Variants in UTP6 observed in about 807,000 individuals in gnomAD.
UTP6 encodes UTP6 small subunit processome component.
Under a neutral mutation model 96.5 loss-of-function variants are expected in UTP6, and 60 were observed. That is an observed-to-expected ratio of 0.62 (90% CI 0.51 to 0.77). The LOEUF is 0.77. Ranked by LOEUF, UTP6 falls within the 30% of genes least tolerant of loss-of-function variation. The pLI is 0.00. For missense variants in UTP6, 637 were observed against 706.5 expected (o/e 0.90, Z 1.12); for synonymous variants, 215 against 240.1 (o/e 0.90, Z 0.96).
chr17:31,897,609 G>A (rs977055588), intron 2 of UTP6, among the ~76,000 whole-genome samples: 1 of 151,570 alleles, frequency 6.6e-6, no homozygotes, highest in Admixed American at 6.6e-5. Flanking sequence ...CACCACACCC[G>A]GCTAATTTTT....
At chr17:31,899,916 C>T (rs773470519) in intron 1 of UTP6, among the ~76,000 whole-genome samples, 186 bp from the exon 2 acceptor site, 63 of 152,140 alleles carry the variant, frequency 4.1e-4, no homozygotes, top group African/African-American at 1.4e-3. Flanking sequence ...GAGGCTGAGG[C>T]GGGTAGATCA....
chr17:31,894,527 T>C (rs1382685029), intron 4 of UTP6, 118 bp downstream of exon 4: 8 of 696,526 alleles, frequency 1.1e-5, no homozygotes, highest in Non-Finnish European at 1.9e-5. Context: ...ATACCATCAT[T>C]AGAGTAAGTA....
At chr17:31,869,309 T>C (rs1483305438) in intron 16 of UTP6, among the ~76,000 whole-genome samples, 1 of 150,786 alleles carries the variant, frequency 6.6e-6, no homozygotes, top group Non-Finnish European at 1.5e-5. Flanking sequence ...GCTGAGACCA[T>C]AGGTGCAAAC....
chr17:31,893,371 A>G (rs1167422289), intron 4 of UTP6, among the ~76,000 whole-genome samples: 1 of 146,534 alleles, frequency 6.8e-6, no homozygotes, highest in Non-Finnish European at 1.5e-5. Flanking sequence ...GGTTGCAGTG[A>G]GCTGCCGAGA....
chr17:31,864,022 GTT>G (rs1015918554), intron 18 of UTP6, among the ~76,000 whole-genome samples: 1 of 151,150 alleles, frequency 6.6e-6, no homozygotes, highest in South Asian at 2.1e-4. Context: ...TTTGTTTTTT[GTT>G]TTTTTTCCCA....
chr17:31,894,504 G>T, intron 4 of UTP6, 141 bp downstream of exon 4: 2 of 615,368 alleles, frequency 3.3e-6, no homozygotes, highest in Non-Finnish European at 5.6e-6. Context: ...CTCAAAAAAT[G>T]TTTTGAGTAA....
chr17:31,897,883 T>C (rs998028176), intron 2 of UTP6, among the ~76,000 whole-genome samples: 6 of 152,202 alleles, frequency 3.9e-5, no homozygotes, highest in Non-Finnish European at 8.8e-5. Flanking sequence ...AAACCTTCCA[T>C]GCATTTACAA....
In UTP6 at chr17:31,861,740, G is replaced by A. The variant is rs547104713; in HGVS notation, c.*1619C>T. 1.3e-5 allele frequency: 2 copies of A among 152,180 alleles called. No homozygotes were observed. Among genetic ancestry groups the A allele is most frequent in the African/African-American group, 4.8e-5 (2 of 41,500 alleles). 9.4% of individuals were successfully genotyped at this position (152,180 alleles called of 1,614,324 possible). On this transcript the variant is annotated 3_prime_UTR_variant, in exon 19 of 19. Transcript: ENST00000261708. ...TAATATCAAAGTATGGTAAAACAATGACATATCACATTTCACCTATAAAAT... is the reference window on the plus strand; with the variant it reads ...TAATATCAAAGTATGGTAAAACAATAACATATCACATTTCACCTATAAAAT...
intron 2 of UTP6, among the ~76,000 whole-genome samples, chr17:31,895,725 G>A (rs892235964): frequency 2.6e-5 from 4 of 151,916 alleles, no homozygotes; most frequent in African/African-American, 9.7e-5. Flanking sequence ...GTAGAGATGG[G>A]GTTTCACCAT....
intron 18 of UTP6, among the ~76,000 whole-genome samples, chr17:31,865,162 C>T (rs1029446267): frequency 3.9e-5 from 6 of 152,070 alleles, no homozygotes; most frequent in Admixed American, 2.6e-4. Context: ...ATTACAGGTG[C>T]GCACCACCAT....
intron 13 of UTP6, 73 bp downstream of exon 13, chr17:31,878,177 A>C: frequency 6.7e-7 from 1 of 1,490,388 alleles, no homozygotes; most frequent in Non-Finnish European, 9.3e-7. Flanking sequence ...TATATTTAAA[A>C]CATGACTCTG....
At chr17:31,892,595 C>T in intron 5 of UTP6, 152 bp downstream of exon 5, 1 of 848,156 alleles carries the variant, frequency 1.2e-6, no homozygotes, top group Non-Finnish European at 1.8e-6. Context: ...CATAGTCATT[C>T]AGATATCCAA....
intron 11 of UTP6, among the ~76,000 whole-genome samples, chr17:31,879,219 A>C (rs1161533163): frequency 6.6e-6 from 1 of 151,732 alleles, no homozygotes; most frequent in Non-Finnish European, 1.5e-5. Context: ...GTGAAACCTC[A>C]TCTCTACTAA....
In UTP6 at chr17:31,884,490, A is replaced by T. The variant is rs1458362319; in HGVS notation, c.719T>A (p.Val240Glu). The T allele has an allele frequency of 2.5e-6, 4 of 1,611,898 alleles. No individual in the cohort carries two copies. In the Admixed American group the frequency reaches 5.0e-5, roughly 20 times the overall value. The change falls in exon 10 of 19, where the codon GTG (valine) becomes GAG (glutamate). Residue 240 changes from valine (V) to glutamate (E), a missense_variant. Val to Glu is a moderately radical substitution (Grantham distance 121, BLOSUM62 -2). Transcript: ENST00000261708. The part of the protein sequence containing the change: ...VSIIKGAEFH[V>E]SLLSIAQLFD... ...TAGCTGTGCAATCGAAAGCAGTGAC[A>T]CGTGAAATTCTGCACCTAAATTTAA...
intron 16 of UTP6, among the ~76,000 whole-genome samples, chr17:31,870,298 T>C (rs1598095818): frequency 1.3e-5 from 2 of 152,260 alleles, no homozygotes; most frequent in South Asian, 2.1e-4. Context: ...CAACAGTATA[T>C]AAGGTTTACC....
chr17:31,865,355 G>A lies in UTP6; in HGVS notation c.1636+11C>T, dbSNP rs752098905. Reference sequence around the variant, plus strand: ...CCATACTAATTGGTCACAAATTAAGGGTTTACTTACCAGAATCTGCGGATC... The same window carrying A: ...CCATACTAATTGGTCACAAATTAAGAGTTTACTTACCAGAATCTGCGGATC... On this transcript the variant is annotated intron_variant, in intron 18 of 18. Transcript: ENST00000261708. The A allele has an allele frequency of 1.2e-6, 2 of 1,613,180 alleles. No homozygotes were observed. Among genetic ancestry groups the A allele is most frequent in the South Asian group, 2.2e-5 (2 of 91,056 alleles).
chr17:31,865,582 T>C, intron 17 of UTP6, 144 bp from the exon 18 acceptor site: 1 of 752,492 alleles, frequency 1.3e-6, no homozygotes, highest in Non-Finnish European at 2.1e-6. Context: ...TCAACTTTTC[T>C]AGGAAAAAAA....
intron 8 of UTP6, 82 bp downstream of exon 8, chr17:31,887,154 C>A: frequency 2.4e-6 from 3 of 1,248,702 alleles, no homozygotes; most frequent in Non-Finnish European, 2.3e-6. Context: ...AAAATATATT[C>A]CAAATATTTT....
At chr17:31,892,654 T>C in intron 5 of UTP6, 93 bp downstream of exon 5, 1 of 1,518,706 alleles carries the variant, frequency 6.6e-7, no homozygotes, top group South Asian at 1.1e-5. Context: ...ATGTTAACCC[T>C]ACACTTCAGG....
Sources: gnomAD v4.1 joint callset for allele counts (sites outside exome capture counted in the v4.1 genomes callset) on GRCh38, gnomAD v4.1.1 for gene constraint, MANE v1.5 for transcripts, NCBI Gene and HGNC (gene_info 2026-07-23, HGNC 2026-07-21) for gene names.